HUNK: variants seen among roughly 807,000 people sequenced by gnomAD.
HUNK encodes hormonally up-regulated neu tumor-associated kinase.
In HUNK, 21 loss-of-function variants were observed where a neutral mutation model predicts 61.0. That is an observed-to-expected ratio of 0.34 (90% CI 0.24 to 0.50). The LOEUF is 0.50. HUNK is among the 20% of genes least tolerant of loss of function. The pLI, the probability that HUNK is intolerant of heterozygous loss-of-function variation, is 0.98. For synonymous variants in HUNK, 371 were observed against 386.1 expected, an observed-to-expected ratio of 0.96 and a Z score of 0.46; for missense variants, 772 against 945.7, an observed-to-expected ratio of 0.82 and a Z score of 2.41.
chr21:31,927,228 A>G (rs1435573573), intron 2 of HUNK, among the ~76,000 whole-genome samples: 1 of 151,996 alleles, frequency 6.6e-6, no homozygotes, highest in Non-Finnish European at 1.5e-5. Context: ...TTTAGTAGAG[A>G]TGGGGTTTCA....
At chr21:31,916,114 G>A (rs529367892) in intron 1 of HUNK, among the ~76,000 whole-genome samples, 33 of 133,602 alleles carry the variant, frequency 2.5e-4, no homozygotes, top group African/African-American at 7.8e-4. Context: ...GCAGCGGCGC[G>A]ATCTCAGCTC....
chr21:31,996,023 T>C (rs976397404), intron 10 of HUNK, 75 bp downstream of exon 10: 11 of 1,084,242 alleles, frequency 1.0e-5, no homozygotes, highest in Middle Eastern at 2.7e-4. Flanking sequence ...TCACAGGGGA[T>C]GGTCGAATGG....
intron 7 of HUNK, among the ~76,000 whole-genome samples, chr21:31,982,766 T>TTG (rs71193168): frequency 0.14 from 20,795 of 150,712 alleles, 1,550 homozygotes; most frequent in Non-Finnish European, 0.17. Flanking sequence ...ACATGTGTGT[T>TTG]TGTGTGTGTG....
Position 32,000,886 on chromosome 21 carries a change from TC to T in HUNK, c.*1703del, listed in dbSNP as rs1346025871. 3 of 397,418 alleles carry T rather than the reference TC, an allele frequency of 7.5e-6. No individual in the cohort carries two copies. The highest frequency in any genetic ancestry group is 2.1e-5 in the African/African-American group (1 of 48,614). The allele number at this position is 397,418 out of a possible 1,614,324, so 24.6% of individuals were successfully genotyped here. On this transcript the variant is annotated 3_prime_UTR_variant, in exon 11 of 11. Coordinates refer to ENST00000270112, the MANE Select transcript of HUNK (RefSeq NM_014586.2). ...TTCTTCCCTAGGGGATCACCACGGC[TC>T]TAGGGCATTCTAGGATGAGGTCAGA...
intron 9 of HUNK, among the ~76,000 whole-genome samples, chr21:31,990,785 C>T (rs1334616117): frequency 6.6e-6 from 1 of 152,148 alleles, no homozygotes; most frequent in Non-Finnish European, 1.5e-5. Flanking sequence ...ATCCACCTGC[C>T]TCAGCCTCCC....
intron 7 of HUNK, 135 bp from the exon 8 acceptor site, chr21:31,983,391 A>G: frequency 2.9e-6 from 2 of 688,770 alleles, no homozygotes; most frequent in Non-Finnish European, 5.0e-6. Context: ...GTGAGACTTG[A>G]TGTTGCAATT....
At chr21:31,913,546 A>T (rs2052560138) in intron 1 of HUNK, among the ~76,000 whole-genome samples, 1 of 151,970 alleles carries the variant, frequency 6.6e-6, no homozygotes, top group Non-Finnish European at 1.5e-5. Flanking sequence ...TGGTTACTGT[A>T]GGCTGAGCTG....
chr21:31,910,171 C>T (rs2052536226), intron 1 of HUNK, among the ~76,000 whole-genome samples: 1 of 152,136 alleles, frequency 6.6e-6, no homozygotes. Flanking sequence ...ATAACACAGA[C>T]CTGGGGGGCC....
chr21:31,879,235 C>A (rs1046983770), intron 1 of HUNK, among the ~76,000 whole-genome samples: 1 of 152,142 alleles, frequency 6.6e-6, no homozygotes, highest in South Asian at 2.1e-4. Flanking sequence ...TAGGGGTAAT[C>A]GCTCTGAGGA....
chr21:31,899,598 A>G (rs537941068), intron 1 of HUNK, among the ~76,000 whole-genome samples: 2 of 152,288 alleles, frequency 1.3e-5, no homozygotes, highest in Admixed American at 1.3e-4. Flanking sequence ...ACTTCAATGT[A>G]TCTTTATGGG....
intron 1 of HUNK, among the ~76,000 whole-genome samples, chr21:31,915,952 G>A (rs540242727): frequency 6.6e-6 from 1 of 151,816 alleles, no homozygotes; most frequent in East Asian, 1.9e-4. Flanking sequence ...CCTCTCTACG[G>A]GTTGATTCAT....
intron 1 of HUNK, among the ~76,000 whole-genome samples, chr21:31,914,854 C>G (rs1223094516): frequency 6.6e-6 from 1 of 152,132 alleles, no homozygotes; most frequent in African/African-American, 2.4e-5. Context: ...TAAAGTCTCT[C>G]TCTTTAAATA....
intron 1 of HUNK, among the ~76,000 whole-genome samples, chr21:31,922,176 C>T: frequency 6.6e-6 from 1 of 151,614 alleles, no homozygotes; most frequent in Non-Finnish European, 1.5e-5. Context: ...ACCACCACAC[C>T]CAGCTAATTT....
chr21:31,977,131 C>T (rs1376182536), intron 7 of HUNK, among the ~76,000 whole-genome samples: 3 of 152,216 alleles, frequency 2.0e-5, no homozygotes, highest in South Asian at 4.1e-4. Flanking sequence ...TTTAAAATTT[C>T]TATTTATTAT....
At chr21:31,958,231 G>A (rs1246988653) in intron 4 of HUNK, among the ~76,000 whole-genome samples, 1 of 151,980 alleles carries the variant, frequency 6.6e-6, no homozygotes, top group Admixed American at 6.6e-5. Context: ...TGAAACTCCT[G>A]CTTTTCTCTG....
chr21:31,948,725 G>A (rs2052827586), intron 4 of HUNK, among the ~76,000 whole-genome samples: 1 of 152,126 alleles, frequency 6.6e-6, no homozygotes, highest in African/African-American at 2.4e-5. Context: ...TTCATCCAGG[G>A]AAACAGAAGC....
intron 8 of HUNK, 77 bp downstream of exon 8, chr21:31,983,686 C>A: frequency 9.8e-7 from 1 of 1,021,378 alleles, no homozygotes; most frequent in Non-Finnish European, 1.5e-6. Flanking sequence ...GAAAAGAAAC[C>A]AATTACTGTG....
intron 2 of HUNK, among the ~76,000 whole-genome samples, chr21:31,935,394 C>T (rs1376502470): frequency 6.6e-6 from 1 of 152,098 alleles, no homozygotes; most frequent in Admixed American, 6.6e-5. Context: ...AATGGATGAA[C>T]CAGCATGGAT....
chr21:31,965,178 T>C (rs915936350), intron 5 of HUNK, among the ~76,000 whole-genome samples: 4 of 152,174 alleles, frequency 2.6e-5, no homozygotes, highest in Non-Finnish European at 4.4e-5. Flanking sequence ...GCCATCATCC[T>C]TAGCAAACTA....
Sources: gnomAD v4.1 joint callset for allele counts (sites outside exome capture counted in the v4.1 genomes callset) on GRCh38, gnomAD v4.1.1 for gene constraint, MANE v1.5 for transcripts, NCBI Gene and HGNC (gene_info 2026-07-23, HGNC 2026-07-21) for gene names.